Variants in DLG5 observed in about 807,000 individuals in gnomAD.
DLG5 encodes disks large homolog 5.
Under a neutral mutation model 189.8 loss-of-function variants are expected in DLG5, and 48 were observed. The observed-to-expected ratio is 0.25, with a 90% CI of 0.20 to 0.32. The LOEUF is 0.32. DLG5 is among the 10% of genes least tolerant of loss of function. The pLI is 1.00. For synonymous variants in DLG5, 1,016 were observed against 1,054.1 expected (o/e 0.96, Z 0.70); for missense variants, 2,160 against 2,544.7 (o/e 0.85, Z 3.25).
At chr10:77,939,009 C>T in the DLG5 span, among the ~76,000 whole-genome samples, 25 of 152,230 alleles carry the variant, frequency 1.6e-4, no homozygotes, top group Middle Eastern at 3.4e-3. Flanking sequence ...ATGGTGAAAC[C>T]GTCTCTACTA....
intron 29 of DLG5, among the ~76,000 whole-genome samples, chr10:77,795,570 T>G (rs971815271): frequency 6.6e-6 from 1 of 151,082 alleles, no homozygotes; most frequent in Admixed American, 6.6e-5. Context: ...GGACTCCGAG[T>G]GTTTGCCCCA....
intron 1 of DLG5, among the ~76,000 whole-genome samples, chr10:77,900,068 T>C (rs1182115964): frequency 6.6e-6 from 1 of 152,198 alleles, no homozygotes; most frequent in Admixed American, 6.5e-5. Context: ...TGCTCTACAG[T>C]GTATATATAT....
intron 20 of DLG5, among the ~76,000 whole-genome samples, chr10:77,814,857 C>T (rs11002303): frequency 4.6e-5 from 7 of 152,078 alleles, no homozygotes; most frequent in Non-Finnish European, 8.8e-5. Context: ...CCACAGCACT[C>T]GGCCTTCTTT....
chr10:77,902,933 G>A (rs1488311109), intron 1 of DLG5, among the ~76,000 whole-genome samples: 1 of 151,326 alleles, frequency 6.6e-6, no homozygotes, highest in African/African-American at 2.4e-5. Flanking sequence ...CTCATTCTGG[G>A]CGACAGAGCG....
intron 1 of DLG5, among the ~76,000 whole-genome samples, chr10:77,878,544 T>C (rs1845176513): frequency 6.6e-6 from 1 of 151,872 alleles, no homozygotes; most frequent in African/African-American, 2.4e-5. Flanking sequence ...ACTTCTGGAG[T>C]GTTTTGCTGG....
rs756842373 is a variant in DLG5, at chr10:77,843,714, C to A, written c.865-8G>T. 1 of 1,613,960 alleles carries A rather than the reference C, an allele frequency of 6.2e-7. No homozygotes were observed. On this transcript the variant is annotated splice_region_variant and splice_polypyrimidine_tract_variant and intron_variant, in intron 5 of 31. Transcript: ENST00000372391. ...CCCGTTGTGCTTCAACACCTGGAGA[C>A]CAGACAGTTTCACTTACCAAGGGTC...
At chr10:77,841,793 T>C in intron 7 of DLG5, 88 bp downstream of exon 7, 4 of 1,476,876 alleles carry the variant, frequency 2.7e-6, no homozygotes, top group Non-Finnish European at 3.7e-6. Context: ...TCAGGAGGCT[T>C]CTAATCCGGA....
At chr10:77,888,506 T>C (rs553283580) in intron 1 of DLG5, among the ~76,000 whole-genome samples, 2 of 152,280 alleles carry the variant, frequency 1.3e-5, no homozygotes, top group South Asian at 4.1e-4. Context: ...GGGTTAAATG[T>C]GTTAATATTC....
intron 1 of DLG5, chr10:77,912,144 T>C (rs1293844868): frequency 1.3e-5 from 2 of 148,320 alleles, no homozygotes; most frequent in South Asian, 2.1e-4. Context: ...CAAGATTACA[T>C]TGAGCTAGGA....
intron 1 of DLG5, among the ~76,000 whole-genome samples, chr10:77,902,752 C>T (rs1310170701): frequency 4.6e-5 from 7 of 151,862 alleles, no homozygotes; most frequent in Admixed American, 1.3e-4. Context: ...CCCAGCTACT[C>T]GGGAGGCTGA....
At position 77,818,859 on chromosome 10, in the gene DLG5, A is replaced by G. The variant is rs192361883; in HGVS notation, c.3671+462T>C. 4.3e-3 allele frequency among the ~76,000 whole-genome samples: 662 copies of G among 152,320 alleles called. 4 individuals carry two copies. Among genetic ancestry groups the G allele is most frequent in the South Asian group, 7.9e-3 (38 of 4,824 alleles). Reference sequence around the variant, plus strand: ...TAGAAGCTAATTTGTTTAGTTCAGCAATGTATCCTCTTATAATTAGGATAG... The same window carrying G: ...TAGAAGCTAATTTGTTTAGTTCAGCGATGTATCCTCTTATAATTAGGATAG... On this transcript the variant is annotated intron_variant, in intron 17 of 31. Transcript: ENST00000372391.
chr10:77,849,209 C>G (rs925875109), intron 5 of DLG5, among the ~76,000 whole-genome samples: 2 of 152,254 alleles, frequency 1.3e-5, no homozygotes, highest in African/African-American at 4.8e-5. Flanking sequence ...ACAAATCCCT[C>G]AAGCAAACAC....
chr10:77,801,502 C>T (rs914690969), intron 27 of DLG5, among the ~76,000 whole-genome samples: 5 of 152,112 alleles, frequency 3.3e-5, no homozygotes, highest in Non-Finnish European at 7.4e-5. Context: ...CGAGGAGAGG[C>T]AAGGTCAGCA....
At chr10:77,822,191 G>A in intron 14 of DLG5, 90 bp from the exon 15 acceptor site, 2 of 1,448,460 alleles carry the variant, frequency 1.4e-6, no homozygotes, top group South Asian at 1.3e-5. Context: ...GTAAAGCAAT[G>A]GTCAGGAATG....
chr10:77,930,961 CAG>C (rs1846781334), upstream of DLG5, among the ~76,000 whole-genome samples: 1 of 151,756 alleles, frequency 6.6e-6, no homozygotes, highest in Non-Finnish European at 1.5e-5. Flanking sequence ...GCTGGGATTA[CAG>C]GCATGTGCCA....
rs371529112 is a variant in DLG5 at position 77,873,454 on chromosome 10, T to C, written c.305-4257A>G. Among the ~76,000 whole-genome samples, 21 of 152,288 alleles carry C rather than the reference T, an allele frequency of 1.4e-4. 3 individuals carry two copies. The highest frequency in any genetic ancestry group is 7.8e-4 in the East Asian group (4 of 5,152). On this transcript the variant is annotated intron_variant, in intron 1 of 31. Transcript: ENST00000372391. ...CCCTCTGGGACTGGCCCACGGGCAC[T>C]GTCTGTGTCCTTTCCAAGAGCCCAG... is the stretch of plus-strand genomic sequence containing the variant.
intron 2 of DLG5, chr10:77,868,142 A>C (rs1317748423): frequency 1.5e-5 from 7 of 454,148 alleles, no homozygotes; most frequent in Admixed American, 1.4e-4. Flanking sequence ...CTGTGAGACA[A>C]TCAATTTCTG....
At chr10:77,904,402 T>C (rs150671690) in intron 1 of DLG5, among the ~76,000 whole-genome samples, 11 of 152,202 alleles carry the variant, frequency 7.2e-5, no homozygotes, top group Non-Finnish European at 1.2e-4. Context: ...GGGGGACTGT[T>C]GGGAGGGCAT....
intron 17 of DLG5, 41 bp from the exon 18 acceptor site, chr10:77,817,930 A>G: frequency 6.6e-7 from 1 of 1,506,512 alleles, no homozygotes; most frequent in Non-Finnish European, 9.0e-7. Context: ...GAGGAGAACC[A>G]GGAACAGATG....
Sources: allele counts gnomAD v4.1 joint callset (sites outside exome capture counted in the v4.1 genomes callset), GRCh38; gene constraint gnomAD v4.1.1; transcripts MANE v1.5; gene names NCBI Gene and HGNC (gene_info 2026-07-23, HGNC 2026-07-21).